DEPDC4: variants seen among roughly 807,000 people sequenced by gnomAD.
DEPDC4 encodes the protein DEP domain containing 4, also known as DEP domain-containing protein 4.
Under a neutral mutation model 52.0 loss-of-function variants are expected in DEPDC4, and 52 were observed. That is an observed-to-expected ratio of 1.00 (90% CI 0.80 to 1.26). The LOEUF is 1.26. DEPDC4 is among the 50% of genes most tolerant of loss of function. The pLI, the probability that DEPDC4 is intolerant of heterozygous loss-of-function variation, is 0.00. For missense variants in DEPDC4, 530 were observed against 546.9 expected, an observed-to-expected ratio of 0.97 and a Z score of 0.31; for synonymous variants, 201 against 196.8, an observed-to-expected ratio of 1.02 and a Z score of -0.18.
At chr12:100,254,368 C>T (rs2096222976) in intron 4 of DEPDC4, among the ~76,000 whole-genome samples, 1 of 143,326 alleles carries the variant, frequency 7.0e-6, no homozygotes, top group African/African-American at 2.7e-5. Flanking sequence ...CTCTGTTGCC[C>T]AGGCTGGAGT....
chr12:100,256,589 T>C (rs1171048659), intron 3 of DEPDC4, among the ~76,000 whole-genome samples: 7 of 151,960 alleles, frequency 4.6e-5, no homozygotes, highest in Admixed American at 4.6e-4. Context: ...TTTCTATTTA[T>C]AGCAACATAG....
chr12:100,263,550 G>GT lies in DEPDC4; in HGVS notation c.500dup (p.Tyr167Ter), dbSNP rs1566328117. ...LYRFLGNKSS[Y>*]DCCKRQKDAE... ...CATCCTTTTGTCTTTTGCAACAATC[G>GT]TAAGATGATTTATTGCCTAGAAACC... The change falls in exon 2 of 10, where the codon TAC (tyrosine) becomes TAAC (stop). Residue 167 changes from tyrosine (Y) to a stop codon, truncating the protein, a stop_gained and frameshift_variant. Transcript: ENST00000550587. LOFTEE classifies it high-confidence loss of function. 5.0e-6 allele frequency: 8 copies of GT among 1,608,584 alleles called. No individual in the cohort carries two copies. The highest frequency in any genetic ancestry group is 2.2e-5 in the East Asian group (1 of 44,836).
At chr12:100,266,887 C>T (rs1347022069) in intron 1 of DEPDC4, 33 bp downstream of exon 1, 2 of 1,598,596 alleles carry the variant, frequency 1.3e-6, no homozygotes, top group East Asian at 2.2e-5. Flanking sequence ...CCTCCACCTT[C>T]ACTGCACATT....
At chr12:100,274,494 G>GT in the DEPDC4 span, among the ~76,000 whole-genome samples, 1 of 152,132 alleles carries the variant, frequency 6.6e-6, no homozygotes, top group African/African-American at 2.4e-5. Context: ...GTGGGTTCTT[G>GT]TTGTTATTAA....
the DEPDC4 span, among the ~76,000 whole-genome samples, chr12:100,279,694 G>A: frequency 6.6e-6 from 1 of 152,176 alleles, no homozygotes; most frequent in Non-Finnish European, 1.5e-5. Context: ...ATTAAGGCAT[G>A]GTTCTTACAG....
intron 1 of DEPDC4, among the ~76,000 whole-genome samples, chr12:100,265,898 C>G (rs982942384): frequency 6.6e-6 from 1 of 152,106 alleles, no homozygotes; most frequent in Non-Finnish European, 1.5e-5. Flanking sequence ...GTAATGGTGG[C>G]TGATGAAAGA....
chr12:100,253,671 A>C lies in DEPDC4; in HGVS notation c.923T>G (p.Phe308Cys), dbSNP rs2096218630. ...AACTGTAACTATTAACTGGTCAGGG[A>C]AATACTCCAAGCATTCAATTGCTGC... is the stretch of plus-strand genomic sequence containing the variant. Reference protein sequence around the residue: ...LNAAIECLEYFPDQLIVTVSQ... With the variant: ...LNAAIECLEYCPDQLIVTVSQ... Residue 308 changes from phenylalanine to cysteine, a missense_variant, in exon 5 of 10, where the codon TTC becomes TGC. Physicochemically the swap from Phe to Cys is radical, Grantham distance 205. Coordinates refer to ENST00000550587, the MANE Select transcript of DEPDC4 (RefSeq NM_001364818.2). The C allele has an allele frequency of 7.8e-7, 1 of 1,289,886 alleles. No homozygotes were observed. The highest frequency in any genetic ancestry group is 1.0e-6 in the Non-Finnish European group (1 of 988,982). The allele number at this position is 1,289,886 out of a possible 1,614,324, so 79.9% of individuals were successfully genotyped here.
upstream of DEPDC4, among the ~76,000 whole-genome samples, chr12:100,271,912 C>G (rs981952109): frequency 6.6e-6 from 1 of 152,206 alleles, no homozygotes; most frequent in Non-Finnish European, 1.5e-5. Flanking sequence ...ACATTTCTTG[C>G]TGTATCTAGA....
chr12:100,243,047 T>C (rs1396053611), intron 8 of DEPDC4, among the ~76,000 whole-genome samples: 1 of 152,226 alleles, frequency 6.6e-6, no homozygotes, highest in East Asian at 1.9e-4. Context: ...CATACCTATA[T>C]TAAAGTTTAA....
chr12:100,257,994 TAGATAG>T (rs2096241117), intron 3 of DEPDC4, among the ~76,000 whole-genome samples: 1 of 151,542 alleles, frequency 6.6e-6, no homozygotes, highest in Admixed American at 6.6e-5. Context: ...GATAGATAGA[TAGATAG>T]ATAGATAGAT....
At chr12:100,267,777 A>G (rs2096280620), upstream of DEPDC4, 5 of 152,090 alleles carry the variant, frequency 3.3e-5, no homozygotes, top group Admixed American at 3.3e-4. Context: ...GACATTGGAC[A>G]CTACTCTAGG....
chr12:100,244,373 G>A (rs959971424), intron 8 of DEPDC4, among the ~76,000 whole-genome samples: 1 of 151,264 alleles, frequency 6.6e-6, no homozygotes, highest in African/African-American at 2.4e-5. Context: ...AGTAGAGACA[G>A]GGTTTCACTG....
In DEPDC4 at chr12:100,240,785, G is replaced by A. The variant is rs888576326; in HGVS notation, c.*1107C>T. On this transcript the variant is annotated 3_prime_UTR_variant, in exon 10 of 10. Transcript: ENST00000550587. ...CTACTTCATGTGGCCGGGTGTGGTGGCTCACGCCTGTAATCCCAGCACCTT... is the reference window on the plus strand; with the variant it reads ...CTACTTCATGTGGCCGGGTGTGGTGACTCACGCCTGTAATCCCAGCACCTT... Among the ~76,000 whole-genome samples, 1 of 152,198 alleles carries A rather than the reference G, an allele frequency of 6.6e-6. No individual in the cohort carries two copies.
chr12:100,262,223 C>T, intron 3 of DEPDC4, 41 bp downstream of exon 3: 2 of 1,573,014 alleles, frequency 1.3e-6, no homozygotes, highest in East Asian at 4.6e-5. Context: ...GAAGTTAGTT[C>T]TTCCTTACCA....
At chr12:100,244,593 G>T (rs1198432606) in intron 8 of DEPDC4, among the ~76,000 whole-genome samples, 1 of 151,506 alleles carries the variant, frequency 6.6e-6, no homozygotes, top group Non-Finnish European at 1.5e-5. Flanking sequence ...GCCTCATCCT[G>T]CTGAATAATT....
rs80207668 is a variant in DEPDC4, at chr12:100,252,474, T to C, written c.1168A>G (p.Asn390Asp). ...TQLYLRLLLL[N>D]IREELRRLLT... ...AGCCGTCGTAATTCTTCTCTAATGTTCAGCAACAGCAATCTTAGATATAGT... is the reference window on the plus strand; with the variant it reads ...AGCCGTCGTAATTCTTCTCTAATGTCCAGCAACAGCAATCTTAGATATAGT... The change falls in exon 6 of 10, where the codon AAC becomes GAC. Residue 390 changes from asparagine (N) to aspartate (D), a missense_variant. By Grantham distance (23) the Asn-to-Asp change is conservative. Coordinates refer to ENST00000550587, the MANE Select transcript of DEPDC4 (RefSeq NM_001364818.2). 479 of 1,608,662 alleles carry C rather than the reference T, an allele frequency of 3.0e-4. 3 individuals carry two copies. In the African/African-American group the frequency reaches 5.8e-3, roughly 19 times the overall value.
upstream of DEPDC4, among the ~76,000 whole-genome samples, chr12:100,271,281 A>AAAAAAAAAAAG (rs869276181): frequency 3.1e-5 from 4 of 128,906 alleles, no homozygotes; most frequent in African/African-American, 1.1e-4. Context: ...AAAAAAAAAA[A>AAAAAAAAAAAG]AGAGAGAGAG....
At chr12:100,265,409 G>A (rs896898715) in intron 1 of DEPDC4, among the ~76,000 whole-genome samples, 1 of 152,150 alleles carries the variant, frequency 6.6e-6, no homozygotes, top group Non-Finnish European at 1.5e-5. Context: ...CCAACATAGT[G>A]AAACCCCATC....
intron 8 of DEPDC4, among the ~76,000 whole-genome samples, chr12:100,244,497 C>T (rs938110447): frequency 4.6e-5 from 7 of 151,624 alleles, no homozygotes; most frequent in Admixed American, 4.6e-4. Flanking sequence ...ATGTTTGAGA[C>T]AGGGTCTTGC....
Sources: allele counts gnomAD v4.1 joint callset (sites outside exome capture counted in the v4.1 genomes callset), GRCh38; gene constraint gnomAD v4.1.1; transcripts MANE v1.5; gene names NCBI Gene and HGNC (gene_info 2026-07-23, HGNC 2026-07-21).